Variants in SNAP91 observed in about 807,000 individuals in gnomAD.
The protein encoded by SNAP91 is synaptosome associated protein 91.
SNAP91 carries 27 observed loss-of-function variants against 100.3 expected under a neutral mutation model. The observed-to-expected ratio is 0.27, with a 90% CI of 0.20 to 0.37. The LOEUF is 0.37. SNAP91 is among the 10% of genes least tolerant of loss of function. The probability of loss-of-function intolerance (pLI) is 1.00; values close to 1 mark genes in which losing one functional copy is unlikely to be tolerated. For synonymous variants in SNAP91, 404 were observed against 398.6 expected (o/e 1.01, Z -0.16); for missense variants, 986 against 1,123.7 (o/e 0.88, Z 1.75).
chr6:83,706,230 A>T (rs540416375), intron 2 of SNAP91, among the ~76,000 whole-genome samples: 1 of 152,368 alleles, frequency 6.6e-6, no homozygotes, highest in South Asian at 2.1e-4. Context: ...CAAATTCATA[A>T]CCTATACCTT....
intron 1 of SNAP91, 115 bp from the exon 2 acceptor site, chr6:83,708,072 T>A: frequency 1.2e-6 from 1 of 855,642 alleles, no homozygotes; most frequent in Non-Finnish European, 1.7e-6. Context: ...ATCCCCACCC[T>A]GGCACCACCT....
intron 2 of SNAP91, among the ~76,000 whole-genome samples, chr6:83,676,789 G>C (rs2098911841): frequency 6.6e-6 from 1 of 152,166 alleles, no homozygotes; most frequent in Admixed American, 6.6e-5. Context: ...GGTGAGGAAA[G>C]GGGAGTCAGG....
chr6:83,623,521 A>G (rs2096813584), intron 8 of SNAP91, among the ~76,000 whole-genome samples, 179 bp from the exon 9 acceptor site: 1 of 152,130 alleles, frequency 6.6e-6, no homozygotes, highest in African/African-American at 2.4e-5. Context: ...AATATAATAG[A>G]GCAGTAATTT....
intron 7 of SNAP91, among the ~76,000 whole-genome samples, chr6:83,647,311 T>G (rs1341932895): frequency 6.6e-6 from 1 of 152,190 alleles, no homozygotes; most frequent in Admixed American, 6.5e-5. Flanking sequence ...CCATTAAATA[T>G]GATGTTAGCT....
At chr6:83,662,101 T>G (rs1440214058) in intron 4 of SNAP91, among the ~76,000 whole-genome samples, 1 of 152,154 alleles carries the variant, frequency 6.6e-6, no homozygotes, top group Non-Finnish European at 1.5e-5. Context: ...AAAAAACAAC[T>G]GTGGGTCTAG....
chr6:83,619,898 A>C (rs1241125715), intron 9 of SNAP91, among the ~76,000 whole-genome samples: 6 of 152,248 alleles, frequency 3.9e-5, no homozygotes, highest in Admixed American at 6.5e-5. Context: ...ATTTAAAAAA[A>C]GCAATCATAA....
intron 24 of SNAP91, among the ~76,000 whole-genome samples, chr6:83,576,350 G>A (rs1191758313): frequency 2.0e-5 from 3 of 152,166 alleles, no homozygotes; most frequent in African/African-American, 7.2e-5. Flanking sequence ...TGGGAACTTG[G>A]TTAGTAAATT....
At chr6:83,618,700 T>C (rs531126906) in intron 9 of SNAP91, among the ~76,000 whole-genome samples, 1 of 152,110 alleles carries the variant, frequency 6.6e-6, no homozygotes, top group South Asian at 2.1e-4. Context: ...ATGATGATAA[T>C]GATGATGACG....
chr6:83,654,311 G>A (rs1343628236), intron 7 of SNAP91, among the ~76,000 whole-genome samples: 1 of 152,100 alleles, frequency 6.6e-6, no homozygotes, highest in Admixed American at 6.6e-5. Flanking sequence ...TTTGCCCTAT[G>A]TCCTCCCCTC....
intron 8 of SNAP91, among the ~76,000 whole-genome samples, chr6:83,629,631 G>C (rs2097125469): frequency 6.6e-6 from 1 of 152,044 alleles, no homozygotes; most frequent in Non-Finnish European, 1.5e-5. Context: ...AAAAGGGGTT[G>C]AGATCTTGAT....
chr6:83,598,264 T>C (rs1358988580), intron 16 of SNAP91, among the ~76,000 whole-genome samples: 4 of 152,204 alleles, frequency 2.6e-5, no homozygotes, highest in African/African-American at 9.6e-5. Flanking sequence ...CTGTTCTGCA[T>C]GATCATAAAA....
At chr6:83,708,106 C>G in intron 1 of SNAP91, 149 bp from the exon 2 acceptor site, 1 of 653,042 alleles carries the variant, frequency 1.5e-6, no homozygotes, top group Non-Finnish European at 2.4e-6. Flanking sequence ...ACGCGCCAAG[C>G]CCCGCTCCTG....
At position 83,656,741 on chromosome 6, in the gene SNAP91, T is replaced by C. The variant is rs1053215708; in HGVS notation, c.658+13A>G. On this transcript the variant is annotated intron_variant, in intron 7 of 29. Coordinates refer to ENST00000369694, the MANE Select transcript of SNAP91 (RefSeq NM_001242792.2). ...TCCCATCAGCCCAGACATGTTTCGG[T>C]TGTTCCACCTACCGAGTAAGTTAAT... 1.5e-6 allele frequency: 2 copies of C among 1,305,590 alleles called. No individual in the cohort carries two copies. Among genetic ancestry groups the C allele is most frequent in the South Asian group, 1.3e-5 (1 of 79,454 alleles). The allele number at this position is 1,305,590 out of a possible 1,614,324, so 80.9% of individuals were successfully genotyped here.
intron 26 of SNAP91, among the ~76,000 whole-genome samples, chr6:83,566,499 T>G (rs1457784480): frequency 2.0e-5 from 3 of 152,170 alleles, no homozygotes; most frequent in Admixed American, 6.5e-5. Context: ...GACTTCAGGC[T>G]ATGAAAGAGA....
chr6:83,687,708 A>G (rs563679731), intron 2 of SNAP91, among the ~76,000 whole-genome samples: 1 of 152,348 alleles, frequency 6.6e-6, no homozygotes, highest in East Asian at 1.9e-4. Flanking sequence ...GGAGAAGGAC[A>G]GAAGCAGAAT....
At position 83,556,437 on chromosome 6, in the gene SNAP91, C is replaced by A. The variant is rs73484851; in HGVS notation, c.2632-192G>T. Reference sequence around the variant, plus strand: ...ACACATATCAAAGAAAACAAACCTGCAGAAGATTAGATGGTTAAAGGCTTA... The same window carrying A: ...ACACATATCAAAGAAAACAAACCTGAAGAAGATTAGATGGTTAAAGGCTTA... On this transcript the variant is annotated intron_variant, in intron 28 of 29. Transcript: ENST00000369694. Among the ~76,000 whole-genome samples, 535 of 146,376 alleles carry A rather than the reference C, an allele frequency of 3.7e-3. 1 individual carries two copies. The highest frequency in any genetic ancestry group is 0.013 in the African/African-American group (500 of 39,172).
In SNAP91 at chr6:83,601,371, AG is replaced by A; in HGVS notation, c.1223del (p.Pro408LeufsTer60). On this transcript the variant is annotated frameshift_variant, in exon 16 of 30. Transcript: ENST00000369694. LOFTEE classifies it high-confidence loss of function. ...AQISDPFAPE[P>X]TPPTTTAEIA... Reference sequence around the variant, plus strand: ...TTTCAGCAGTTGTAGTAGGAGGGGTAGGTTCTGGTGCAAATGGATCTGAAAT... The same window carrying A: ...TTTCAGCAGTTGTAGTAGGAGGGGTAGTTCTGGTGCAAATGGATCTGAAAT... The A allele has an allele frequency of 6.2e-7, 1 of 1,613,674 alleles. No individual in the cohort carries two copies. Among genetic ancestry groups the A allele is most frequent in the Non-Finnish European group, 8.5e-7 (1 of 1,179,790 alleles).
At chr6:83,664,231 C>T (rs2098630486) in intron 3 of SNAP91, among the ~76,000 whole-genome samples, 1 of 152,196 alleles carries the variant, frequency 6.6e-6, no homozygotes, top group Admixed American at 6.5e-5. Context: ...TTGTGCAGCC[C>T]ATGGATCAAG....
At chr6:83,617,732 T>C (rs2096557537) in intron 9 of SNAP91, among the ~76,000 whole-genome samples, 1 of 151,838 alleles carries the variant, frequency 6.6e-6, no homozygotes. Flanking sequence ...AATAATATTT[T>C]AGGCAATATA....
Sources: allele counts gnomAD v4.1 joint callset (sites outside exome capture counted in the v4.1 genomes callset), GRCh38; gene constraint gnomAD v4.1.1; transcripts MANE v1.5; gene names NCBI Gene and HGNC (gene_info 2026-07-23, HGNC 2026-07-21).